NRP2: variants seen among roughly 807,000 people sequenced by gnomAD.
NRP2 encodes the protein neuropilin 2.
A neutral mutation model predicts 110.4 loss-of-function variants in NRP2; 52 were observed. That is an observed-to-expected ratio of 0.47 (90% confidence interval 0.38 to 0.59). The LOEUF (loss-of-function observed/expected upper bound fraction) is 0.59, where lower values mean the gene tolerates loss of function less well. NRP2 is among the 20% of genes least tolerant of loss of function. NRP2 has a pLI of 0.00. For missense variants in NRP2, 1,049 were observed against 1,203.0 expected (o/e 0.87, Z 1.89); for synonymous variants, 508 against 468.9 (o/e 1.08, Z -1.08).
rs2058059289 is a variant in NRP2, at chr2:205,773,869, AC to A, written c.2425+7067del. Among the ~76,000 whole-genome samples the A allele has an allele frequency of 2.6e-5, 4 of 152,192 alleles. No homozygotes were observed. In the South Asian group the frequency reaches 8.3e-4, roughly 31 times the overall value. On this transcript the variant is annotated intron_variant, in intron 15 of 16. Transcript: ENST00000357785. ...GGTAGTTGTGACCATGTTCTGCTTG[AC>A]AAAAATTTCTGCTCCCACCTCTGTG... is the stretch of plus-strand genomic sequence containing the variant.
intron 1 of NRP2, among the ~76,000 whole-genome samples, chr2:205,692,129 T>C (rs1029437654): frequency 6.6e-6 from 1 of 152,224 alleles, no homozygotes; most frequent in Non-Finnish European, 1.5e-5. Flanking sequence ...CCCTCCTAGA[T>C]GGCCCTTTTA....
At chr2:205,727,851 T>G in intron 6 of NRP2, 40 bp from the exon 7 acceptor site, 1 of 1,592,066 alleles carries the variant, frequency 6.3e-7, no homozygotes, top group South Asian at 1.2e-5. Context: ...TGCCCTGTGT[T>G]GGGAATGGTG....
In NRP2 at chr2:205,749,728, C is replaced by G. The variant is rs1166054680; in HGVS notation, c.1790C>G (p.Ser597Cys). 3 of 1,613,842 alleles carry G rather than the reference C, an allele frequency of 1.9e-6. No homozygotes were observed. The highest frequency in any genetic ancestry group is 2.5e-6 in the Non-Finnish European group (3 of 1,179,848). Residue 597 changes from serine (S) to cysteine (C), a missense_variant, in exon 11 of 17, where the codon TCC becomes TGC. Transcript: ENST00000357785. The part of the protein sequence containing the change: ...LEVLGCDWTD[S>C]KPTVETLGPT... The stretch of plus-strand genomic sequence containing the variant: ...ATCTTCCTTTGCCCTTACACAGACT[C>G]CAAGCCCACGGTAGAGACGCTGGGA...
intron 13 of NRP2, 135 bp from the exon 14 acceptor site, chr2:205,765,339 C>G (rs1409560898): frequency 2.7e-6 from 2 of 750,232 alleles, no homozygotes; most frequent in Non-Finnish European, 2.4e-6. Context: ...AGATGTGTAC[C>G]AGGTGCAATA....
At chr2:205,716,917 C>T (rs1363691418) in intron 3 of NRP2, among the ~76,000 whole-genome samples, 1 of 152,034 alleles carries the variant, frequency 6.6e-6, no homozygotes, top group Non-Finnish European at 1.5e-5. Flanking sequence ...TCCATTGAAC[C>T]CCTACTCTCT....
intron 12 of NRP2, chr2:205,756,446 A>G (rs1401170901): frequency 2.0e-5 from 3 of 152,210 alleles, no homozygotes; most frequent in Non-Finnish European, 4.4e-5. Context: ...GCGGGCAGGT[A>G]TCTAAAGCTG....
At chr2:205,785,264 T>A (rs1326879223) in intron 15 of NRP2, among the ~76,000 whole-genome samples, 1 of 152,174 alleles carries the variant, frequency 6.6e-6, no homozygotes, top group Non-Finnish European at 1.5e-5. Context: ...CTGAGTGACA[T>A]AGTGATGTTT....
chr2:205,738,498 A>G (rs969556647), intron 7 of NRP2, among the ~76,000 whole-genome samples: 5 of 152,314 alleles, frequency 3.3e-5, no homozygotes, highest in Admixed American at 1.3e-4. Flanking sequence ...CCCTTTCCTG[A>G]GAGCTGTGGA....
chr2:205,711,897 C>A (rs955476768), intron 2 of NRP2, among the ~76,000 whole-genome samples: 7 of 152,234 alleles, frequency 4.6e-5, no homozygotes, highest in Non-Finnish European at 5.9e-5. Context: ...CCTTTGGTGC[C>A]CTGCTGGGAA....
chr2:205,738,055 G>A (rs1306377805), intron 7 of NRP2, among the ~76,000 whole-genome samples: 1 of 152,224 alleles, frequency 6.6e-6, no homozygotes, highest in African/African-American at 2.4e-5. Flanking sequence ...GCCTGCCAAG[G>A]CTGAGAAATG....
intron 2 of NRP2, among the ~76,000 whole-genome samples, chr2:205,708,728 G>A (rs572938405): frequency 2.4e-4 from 36 of 152,234 alleles, no homozygotes; most frequent in Non-Finnish European, 1.2e-4. Context: ...TATTCTCTCC[G>A]TGTACTTCCT....
intron 1 of NRP2, among the ~76,000 whole-genome samples, chr2:205,696,362 G>A (rs1023824933): frequency 1.3e-5 from 2 of 152,120 alleles, no homozygotes; most frequent in Non-Finnish European, 2.9e-5. Flanking sequence ...CATAATTCAC[G>A]GGCCCATGCT....
intron 15 of NRP2, among the ~76,000 whole-genome samples, chr2:205,784,770 C>T (rs1364659597): frequency 1.3e-5 from 2 of 152,150 alleles, no homozygotes; most frequent in Non-Finnish European, 2.9e-5. Context: ...TCTTGCTGAC[C>T]CCTTTTCTTC....
At chr2:205,749,067 A>G (rs899668923) in intron 10 of NRP2, among the ~76,000 whole-genome samples, 2 of 152,122 alleles carry the variant, frequency 1.3e-5, no homozygotes, top group Admixed American at 1.3e-4. Context: ...GGAAAGGGGG[A>G]AAGATTTGGA....
chr2:205,767,399 G>A (rs1174250578), intron 15 of NRP2: 1 of 516,856 alleles, frequency 1.9e-6, no homozygotes, highest in Admixed American at 1.9e-5. Context: ...TCAGGAGAAA[G>A]AGTTGCCACA....
intron 15 of NRP2, among the ~76,000 whole-genome samples, chr2:205,770,959 A>G (rs1260626244): frequency 1.3e-5 from 2 of 152,206 alleles, no homozygotes; most frequent in African/African-American, 4.8e-5. Context: ...TCCCCTCTCC[A>G]TCAGTTTACC....
intron 9 of NRP2, 51 bp from the exon 10 acceptor site, chr2:205,745,695 A>T (rs778039879): frequency 6.2e-6 from 10 of 1,611,152 alleles, no homozygotes; most frequent in Middle Eastern, 1.6e-4. Flanking sequence ...GAAGAAGGTG[A>T]TAGGGACTGG....
intron 15 of NRP2, among the ~76,000 whole-genome samples, chr2:205,781,984 G>T (rs930310445): frequency 6.6e-6 from 1 of 152,084 alleles, no homozygotes; most frequent in African/African-American, 2.4e-5. Context: ...GAGTATGTTT[G>T]CCCTGACTGC....
At chr2:205,746,008 C>A in intron 10 of NRP2, 118 bp downstream of exon 10, 1 of 1,149,360 alleles carries the variant, frequency 8.7e-7, no homozygotes, top group Non-Finnish European at 1.3e-6. Flanking sequence ...GGAAATGCTG[C>A]AGACCCCTGC....
Sources: gnomAD v4.1 joint callset for allele counts (sites outside exome capture counted in the v4.1 genomes callset) on GRCh38, gnomAD v4.1.1 for gene constraint, MANE v1.5 for transcripts, NCBI Gene and HGNC (gene_info 2026-07-23, HGNC 2026-07-21) for gene names.